CCDC38: variants seen among roughly 807,000 people sequenced by gnomAD.
CCDC38 encodes coiled-coil domain-containing protein 38.
A neutral mutation model predicts 72.8 loss-of-function variants in CCDC38; 69 were observed. That is an observed-to-expected ratio of 0.95 (90% CI 0.78 to 1.16). CCDC38 has a LOEUF of 1.16. Among genes scored for constraint, CCDC38 ranks in the 50% most tolerant of loss-of-function variants. The probability of loss-of-function intolerance (pLI) is 0.00; values close to 1 mark genes in which losing one functional copy is unlikely to be tolerated. For synonymous variants in CCDC38, 201 were observed against 213.2 expected, an observed-to-expected ratio of 0.94 and a Z score of 0.50; for missense variants, 626 against 638.9, an observed-to-expected ratio of 0.98 and a Z score of 0.22.
intron 3 of CCDC38, among the ~76,000 whole-genome samples, 181 bp from the exon 4 acceptor site, chr12:95,917,475 A>G (rs2080158222): frequency 6.6e-6 from 1 of 152,206 alleles, no homozygotes; most frequent in African/African-American, 2.4e-5. Context: ...TGAAGCTGAG[A>G]TCATTTAACT....
At chr12:95,910,783 G>A (rs947090541) in intron 4 of CCDC38, among the ~76,000 whole-genome samples, 1 of 152,330 alleles carries the variant, frequency 6.6e-6, no homozygotes. Flanking sequence ...AGGATTGCTT[G>A]AGTTTAGAAG....
At chr12:95,890,503 C>A (rs1420801707) in intron 9 of CCDC38, among the ~76,000 whole-genome samples, 2 of 152,244 alleles carry the variant, frequency 1.3e-5, no homozygotes, top group Non-Finnish European at 2.9e-5. Flanking sequence ...TTTCTGGACC[C>A]TGGGAGTGGG....
chr12:95,906,682 C>A (rs1181906597), intron 4 of CCDC38, among the ~76,000 whole-genome samples: 2 of 151,948 alleles, frequency 1.3e-5, no homozygotes, highest in Non-Finnish European at 2.9e-5. Context: ...TTAAGCACAT[C>A]ATTTAATCCT....
intron 2 of CCDC38, among the ~76,000 whole-genome samples, chr12:95,923,236 G>A (rs1480485270): frequency 2.0e-5 from 3 of 152,008 alleles, no homozygotes; most frequent in Non-Finnish European, 2.9e-5. Flanking sequence ...GGCAAATCAT[G>A]GGACTTCTCA....
chr12:95,908,305 T>C (rs2080036378), intron 4 of CCDC38, among the ~76,000 whole-genome samples: 3 of 149,940 alleles, frequency 2.0e-5, no homozygotes, highest in Admixed American at 6.6e-5. Flanking sequence ...ACCCAAAAAA[T>C]AGGAAAACCA....
chr12:95,907,974 G>A (rs1036328324), intron 4 of CCDC38, among the ~76,000 whole-genome samples: 2 of 151,334 alleles, frequency 1.3e-5, no homozygotes, highest in African/African-American at 4.9e-5. Context: ...GCCAGGCAGA[G>A]GGGCTCCTCA....
At position 95,878,371 on chromosome 12, in the gene CCDC38, C is replaced by T. The variant is rs1334692435; in HGVS notation, c.1143-25G>A. The stretch of plus-strand genomic sequence containing the variant: ...TCTATTACAAAAGAAGAAAGAGACC[C>T]TCATCTGAAATTTGTGGTTAGTGAA... On this transcript the variant is annotated intron_variant, in intron 12 of 15. Transcript: ENST00000344280. The T allele has an allele frequency of 1.9e-6, 3 of 1,602,670 alleles. No individual in the cohort carries two copies. The South Asian group carries it at 3.4e-5, about 18-fold the overall frequency.
At chr12:95,909,484 T>C (rs1033902054) in intron 4 of CCDC38, among the ~76,000 whole-genome samples, 1 of 152,174 alleles carries the variant, frequency 6.6e-6, no homozygotes, top group African/African-American at 2.4e-5. Context: ...AAAGAAAGGC[T>C]AGTACCAATC....
At chr12:95,930,258 G>A (rs1196691443) in intron 2 of CCDC38, among the ~76,000 whole-genome samples, 1 of 152,088 alleles carries the variant, frequency 6.6e-6, no homozygotes, top group Non-Finnish European at 1.5e-5. Flanking sequence ...TAGGGCTGCT[G>A]TAGCAGATTA....
intron 2 of CCDC38, among the ~76,000 whole-genome samples, chr12:95,919,941 T>A (rs113435160): frequency 6.6e-6 from 1 of 152,304 alleles, no homozygotes; most frequent in African/African-American, 2.4e-5. Context: ...CCTTAAAAAG[T>A]TGAACACAGA....
chr12:95,925,165 T>A (rs1259731340), intron 2 of CCDC38, among the ~76,000 whole-genome samples: 2 of 151,990 alleles, frequency 1.3e-5, no homozygotes, highest in Non-Finnish European at 1.5e-5. Flanking sequence ...ATTCTTCCTA[T>A]CCATGAGCAT....
At chr12:95,878,469 T>A in intron 12 of CCDC38, 123 bp from the exon 13 acceptor site, 2 of 892,438 alleles carry the variant, frequency 2.2e-6, no homozygotes, top group East Asian at 4.9e-5. Context: ...AATACAAGTC[T>A]GTATTTGAAG....
intron 7 of CCDC38, 115 bp downstream of exon 7, chr12:95,898,270 A>G (rs2079912192): frequency 9.7e-7 from 1 of 1,029,720 alleles, no homozygotes; most frequent in Non-Finnish European, 1.5e-6. Context: ...ATTCGTTCAT[A>G]CTTATGACAT....
At chr12:95,918,359 G>T (rs1369577489) in intron 3 of CCDC38, among the ~76,000 whole-genome samples, 3 of 152,094 alleles carry the variant, frequency 2.0e-5, no homozygotes, top group Non-Finnish European at 4.4e-5. Context: ...GATTCTTGAA[G>T]ACCCACCTCC....
chr12:95,879,660 CT>C lies in CCDC38; in HGVS notation c.1125del (p.Val376LeufsTer10). 2 of 1,591,412 alleles carry C rather than the reference CT, an allele frequency of 1.3e-6. No homozygotes were observed. The highest frequency in any genetic ancestry group is 8.6e-7 in the Non-Finnish European group (1 of 1,162,624). On this transcript the variant is annotated frameshift_variant, in exon 12 of 16. Coordinates refer to ENST00000344280, the MANE Select transcript of CCDC38 (RefSeq NM_182496.3). LOFTEE classifies it high-confidence loss of function. This position sits in a 1 kb window ranked among gnomAD's most constrained non-coding sequence, Gnocchi z 5.5. ...ENLEEVNKRE[K>X]VIQDKTNSNI... ...ATGACTTACGTTTTATCCTGTATAACTTTTTCTCTTTTGTTTACCTCTTCAA... is the reference window on the plus strand; with the variant it reads ...ATGACTTACGTTTTATCCTGTATAACTTTTCTCTTTTGTTTACCTCTTCAA...
At chr12:95,906,146 C>A (rs2079998463) in intron 5 of CCDC38, among the ~76,000 whole-genome samples, 1 of 152,196 alleles carries the variant, frequency 6.6e-6, no homozygotes, top group African/African-American at 2.4e-5. Context: ...AAGTATAAAA[C>A]CTTGTCTGGG....
intron 5 of CCDC38, chr12:95,903,612 A>T (rs1304111674): frequency 8.9e-6 from 5 of 562,232 alleles, no homozygotes; most frequent in Non-Finnish European, 1.6e-5. Flanking sequence ...AATTTTGGAT[A>T]TTGTTGAGTG....
chr12:95,926,263 G>T (rs1488935088), intron 2 of CCDC38, among the ~76,000 whole-genome samples: 1 of 143,298 alleles, frequency 7.0e-6, no homozygotes, highest in African/African-American at 2.6e-5. Context: ...TCCTGGTTTA[G>T]TCTTGGGAGA....
At chr12:95,878,147 C>T (rs1041360456) in intron 13 of CCDC38, 64 bp downstream of exon 13, 1 of 1,566,016 alleles carries the variant, frequency 6.4e-7, no homozygotes, top group East Asian at 2.2e-5. Flanking sequence ...ATACTTAGGA[C>T]ACAGGGAATA....
Sources: allele counts gnomAD v4.1 joint callset (sites outside exome capture counted in the v4.1 genomes callset), GRCh38; gene constraint gnomAD v4.1.1; non-coding constraint Gnocchi (gnomAD v3.1); transcripts MANE v1.5; gene names NCBI Gene and HGNC (gene_info 2026-07-23, HGNC 2026-07-21).